PLCB1: variants seen among roughly 807,000 people sequenced by gnomAD.
The protein encoded by PLCB1 is 1-phosphatidylinositol 4,5-bisphosphate phosphodiesterase beta-1.
PLCB1 carries 46 observed loss-of-function variants against 161.8 expected under a neutral mutation model. The ratio of observed to expected loss-of-function variants is 0.28; its 90% CI spans 0.22 to 0.36. PLCB1 has a LOEUF of 0.36. PLCB1 is among the 10% of genes least tolerant of loss of function. The probability of loss-of-function intolerance (pLI) is 1.00; values close to 1 mark genes in which losing one functional copy is unlikely to be tolerated. For synonymous variants in PLCB1, 517 were observed against 503.7 expected (o/e 1.03, Z -0.35); for missense variants, 1,016 against 1,472.5 (o/e 0.69, Z 5.07).
At chr20:8,202,278 GTTGGCTAGGCTGGTCTCC>G (rs1373579403) in intron 2 of PLCB1, among the ~76,000 whole-genome samples, 2 of 151,086 alleles carry the variant, frequency 1.3e-5, no homozygotes, top group Non-Finnish European at 2.9e-5. Context: ...GGTTTCCCAT[GTTGGCTAGGCTGGTCTCC>G]AGCTCCTGGC....
At position 8,790,526 on chromosome 20, in the gene PLCB1, A is replaced by G. The variant is rs185891679; in HGVS notation, c.3423+265A>G. ...TTAACTAATCTGGGGTATGGCTCAG[A>G]CAAAGGTATTTTTATAGTCCGTTTC... On this transcript the variant is annotated intron_variant, in intron 31 of 31. Transcript: ENST00000338037. 2.3e-3 allele frequency among the ~76,000 whole-genome samples: 355 copies of G among 152,302 alleles called. 1 individual carries two copies. The highest frequency in any genetic ancestry group is 8.2e-3 in the African/African-American group (341 of 41,568).
intron 3 of PLCB1, among the ~76,000 whole-genome samples, chr20:8,570,660 C>A (rs937865039): frequency 2.3e-5 from 2 of 88,196 alleles, no homozygotes; most frequent in African/African-American, 3.4e-5. Flanking sequence ...ACCCCAGAAA[C>A]AACAATAAAT....
intron 3 of PLCB1, among the ~76,000 whole-genome samples, chr20:8,538,049 C>T (rs995060640): frequency 1.3e-5 from 2 of 152,172 alleles, no homozygotes; most frequent in Middle Eastern, 3.4e-3. Flanking sequence ...ACTAGAGTCC[C>T]TCTTTGATGA....
chr20:8,489,710 T>C (rs983242241), intron 3 of PLCB1, among the ~76,000 whole-genome samples: 1 of 152,208 alleles, frequency 6.6e-6, no homozygotes, highest in Non-Finnish European at 1.5e-5. Context: ...AGAGTGCAGA[T>C]GCAATGCAGC....
chr20:8,347,328 T>G (rs1196503866), intron 2 of PLCB1, among the ~76,000 whole-genome samples: 1 of 152,212 alleles, frequency 6.6e-6, no homozygotes, highest in East Asian at 1.9e-4. Flanking sequence ...TATTTCATAT[T>G]TTGTTGTAAG....
chr20:8,442,627 AG>A (rs1980611709), intron 3 of PLCB1, among the ~76,000 whole-genome samples: 1 of 152,216 alleles, frequency 6.6e-6, no homozygotes, highest in African/African-American at 2.4e-5. Context: ...TCTGTAACAA[AG>A]GGTTAGTGAA....
chr20:8,171,575 A>T (rs966200222), intron 2 of PLCB1, among the ~76,000 whole-genome samples: 1 of 152,138 alleles, frequency 6.6e-6, no homozygotes, highest in African/African-American at 2.4e-5. Context: ...TCTGCACCTC[A>T]GTTTTAATAT....
At chr20:8,390,742 G>A (rs561976262) in intron 3 of PLCB1, among the ~76,000 whole-genome samples, 2 of 152,176 alleles carry the variant, frequency 1.3e-5, no homozygotes, top group East Asian at 3.9e-4. Context: ...ATGCCCCAGG[G>A]CACCCAGTAT....
At chr20:8,255,327 A>G (rs1249024103) in intron 2 of PLCB1, among the ~76,000 whole-genome samples, 1 of 152,116 alleles carries the variant, frequency 6.6e-6, no homozygotes, top group Non-Finnish European at 1.5e-5. Context: ...ATATACACAA[A>G]CACACAGATA....
At chr20:8,733,503 T>C in intron 19 of PLCB1, 111 bp downstream of exon 19, 2 of 940,198 alleles carry the variant, frequency 2.1e-6, no homozygotes, top group Non-Finnish European at 3.2e-6. Context: ...AAGATTCTAC[T>C]TTCTTCCTAC....
intron 2 of PLCB1, among the ~76,000 whole-genome samples, chr20:8,228,385 G>A (rs1979817413): frequency 6.6e-6 from 1 of 152,016 alleles, no homozygotes; most frequent in Non-Finnish European, 1.5e-5. Context: ...TTTCCTCTCT[G>A]TTCCTTGCCA....
chr20:8,718,269 A>G lies in PLCB1; in HGVS notation c.1513+421A>G, dbSNP rs936787154. ...AAATTAGCTTAGAAGGACTTTGAAC[A>G]TTCCTATTTCTGCACAGTTTTGAAC... On this transcript the variant is annotated intron_variant, in intron 14 of 31. Coordinates refer to ENST00000338037, the MANE Select transcript of PLCB1 (RefSeq NM_015192.4). 4.7e-4 allele frequency among the ~76,000 whole-genome samples: 72 copies of G among 152,270 alleles called. 1 individual carries two copies. Among genetic ancestry groups the G allele is most frequent in the African/African-American group, 1.7e-3 (71 of 41,554 alleles).
At chr20:8,442,867 C>T (rs1181010915) in intron 3 of PLCB1, among the ~76,000 whole-genome samples, 1 of 152,068 alleles carries the variant, frequency 6.6e-6, no homozygotes, top group South Asian at 2.1e-4. Flanking sequence ...TTTGTTATTC[C>T]CTTGGATAGT....
At chr20:8,360,233 A>G (rs1986492542) in intron 2 of PLCB1, among the ~76,000 whole-genome samples, 1 of 152,186 alleles carries the variant, frequency 6.6e-6, no homozygotes, top group Non-Finnish European at 1.5e-5. Context: ...CTCTCTACAC[A>G]TCTGAGTGAA....
chr20:8,537,475 CT>C (rs1985101413), intron 3 of PLCB1, among the ~76,000 whole-genome samples: 2 of 152,046 alleles, frequency 1.3e-5, no homozygotes, highest in South Asian at 4.2e-4. Context: ...GGGAGACTGC[CT>C]TTCCCTGGTG....
rs529895416 is a variant in PLCB1, at chr20:8,605,120, G to A, written c.247-23174G>A. On this transcript the variant is annotated intron_variant, in intron 3 of 31. Transcript: ENST00000338037. ...ACTATATAGAATACTGGAAAATATC[G>A]TAAAATACATTAAAAAAACAATTTC... 1.7e-4 allele frequency among the ~76,000 whole-genome samples: 25 copies of A among 151,266 alleles called. No homozygotes were observed. In the East Asian group the frequency reaches 2.5e-3, roughly 15 times the overall value.
chr20:8,668,721 C>A (rs978850693), intron 9 of PLCB1, among the ~76,000 whole-genome samples: 5 of 152,172 alleles, frequency 3.3e-5, no homozygotes, highest in Non-Finnish European at 7.3e-5. Flanking sequence ...GCCTTTCCAG[C>A]CTGCACCACA....
intron 2 of PLCB1, among the ~76,000 whole-genome samples, chr20:8,152,666 A>T (rs2123036322): frequency 6.6e-6 from 1 of 152,198 alleles, no homozygotes; most frequent in Middle Eastern, 3.4e-3. Flanking sequence ...CTTTAAGTTT[A>T]TCCCTTGATT....
intron 2 of PLCB1, among the ~76,000 whole-genome samples, chr20:8,330,432 G>T (rs1460313701): frequency 6.6e-6 from 1 of 152,214 alleles, no homozygotes; most frequent in Non-Finnish European, 1.5e-5. Flanking sequence ...GAGCCATGCT[G>T]CATTGATAAA....
Sources: allele counts gnomAD v4.1 joint callset (sites outside exome capture counted in the v4.1 genomes callset), GRCh38; gene constraint gnomAD v4.1.1; transcripts MANE v1.5; gene names NCBI Gene and HGNC (gene_info 2026-07-23, HGNC 2026-07-21).